The following ENPEP variants were observed in gnomAD, a reference collection of about 807,000 sequenced individuals.
ENPEP encodes the protein AP-A.
In ENPEP, 103 loss-of-function variants were observed where a neutral mutation model predicts 114.5. That is an observed-to-expected ratio of 0.90 (90% confidence interval 0.77 to 1.06). ENPEP has a LOEUF of 1.06. Ranked by LOEUF, ENPEP falls within the 50% of genes least tolerant of loss-of-function variation. The probability of loss-of-function intolerance (pLI) is 0.00; values close to 1 mark genes in which losing one functional copy is unlikely to be tolerated. For missense variants in ENPEP, 1,196 were observed against 1,161.3 expected (o/e 1.03, Z -0.43); for synonymous variants, 420 against 422.0 (o/e 1.00, Z 0.06).
Position 110,491,097 on chromosome 4 carries a change from C to T in ENPEP, c.851C>T (p.Thr284Met), listed in dbSNP as rs201316974. ...TTTGAGAAGTCTGTCCCCATGAGCA[C>T]GTACCTGGTGTGCTTTGCTGTACAT... ...TTFEKSVPMS[T>M]YLVCFAVHQF... is the part of the protein sequence containing the mutation. The change falls in exon 3 of 20, where the codon ACG becomes ATG. Residue 284 changes from threonine (T) to methionine (M), a missense_variant. Physicochemically the swap from Thr to Met is moderately conservative, Grantham distance 81 (BLOSUM62 -1). Coordinates refer to ENST00000265162, the MANE Select transcript of ENPEP (RefSeq NM_001977.4). The T allele has an allele frequency of 2.0e-5, 32 of 1,612,638 alleles. No homozygotes were observed. Among genetic ancestry groups the T allele is most frequent in the East Asian group, 1.8e-4 (8 of 44,864 alleles).
Position 110,549,753 on chromosome 4 carries a change from G to A in ENPEP, c.2368G>A (p.Gly790Arg), listed in dbSNP as rs563213012. 6.2e-7 allele frequency: 1 copy of A among 1,613,338 alleles called. No homozygotes were observed. Among genetic ancestry groups the A allele is most frequent in the South Asian group, 1.1e-5 (1 of 91,052 alleles). ...TCTCAGGCTTCTGGTGTATCGGTAT[G>A]GGATGCAGAACTCTGGCAATGAGAT... ...VNLRLLVYRY[G>R]MQNSGNEISW... Residue 790 changes from glycine (G) to arginine (R), a missense_variant, in exon 17 of 20, where the codon GGG (glycine) becomes AGG (arginine). Gly to Arg is a moderately radical substitution (Grantham distance 125, BLOSUM62 -2). Coordinates refer to ENST00000265162, the MANE Select transcript of ENPEP (RefSeq NM_001977.4).
chr4:110,553,651 T>C (rs1443558324), intron 18 of ENPEP, 196 bp downstream of exon 18: 1 of 435,702 alleles, frequency 2.3e-6, no homozygotes, highest in Non-Finnish European at 3.9e-6. Flanking sequence ...TTTCTGGAAA[T>C]TATTGTTTCA....
chr4:110,520,322 G>A lies in ENPEP; in HGVS notation c.1683G>A (p.Leu561=). ...AGAACATCACACAGAAACGCTTTTT[G>A]TTGGACCCAAGAGCTAACCCTTCTC... ...GVKNITQKRF[L]LDPRANPSQP... The change falls in exon 10 of 20, where the codon TTG becomes TTA. Residue 561 remains leucine, a synonymous_variant. Transcript: ENST00000265162. 1.2e-6 allele frequency: 2 copies of A among 1,614,044 alleles called. No homozygotes were observed. The highest frequency in any genetic ancestry group is 1.1e-5 in the South Asian group (1 of 91,082).
At position 110,476,252 on chromosome 4, in the gene ENPEP, A is replaced by T; in HGVS notation, c.-163A>T. 1.3e-6 allele frequency: 1 copy of T among 785,060 alleles called. No homozygotes were observed. Among genetic ancestry groups the T allele is most frequent in the Non-Finnish European group, 1.9e-6 (1 of 524,336 alleles). 48.6% of individuals were successfully genotyped at this position (785,060 alleles called of 1,614,324 possible). A position where few individuals can be genotyped will look rare whatever the true frequency, so the allele number is the denominator to read the frequency against. ...CTGAGTGGCTGGTGGGAACGTGAAAAGGGAGAGGAAAAGGCGCAAGAAGCC... is the reference window on the plus strand; with the variant it reads ...CTGAGTGGCTGGTGGGAACGTGAAATGGGAGAGGAAAAGGCGCAAGAAGCC... On this transcript the variant is annotated 5_prime_UTR_variant, in exon 1 of 20. It adds an upstream start codon to the 5' untranslated region. Coordinates refer to ENST00000265162, the MANE Select transcript of ENPEP (RefSeq NM_001977.4).
rs377535117 is a variant in ENPEP, at chr4:110,541,629, G to A, written c.1808-1122G>A. Among the ~76,000 whole-genome samples the A allele has an allele frequency of 3.3e-5, 5 of 152,050 alleles. No homozygotes were observed. The East Asian group carries it at 5.8e-4, about 18-fold the overall frequency. ...CTTTCCAGAAAATAGACTTGAGCATGCTATTTTTCTGCTTAAAACTCTTTT... is the reference window on the plus strand; with the variant it reads ...CTTTCCAGAAAATAGACTTGAGCATACTATTTTTCTGCTTAAAACTCTTTT... On this transcript the variant is annotated intron_variant, in intron 11 of 19. Coordinates refer to ENST00000265162, the MANE Select transcript of ENPEP (RefSeq NM_001977.4).
intron 13 of ENPEP, among the ~76,000 whole-genome samples, chr4:110,544,585 A>G (rs1726980948): frequency 6.6e-6 from 1 of 152,168 alleles, no homozygotes; most frequent in Admixed American, 6.6e-5. Context: ...GGGAAATTAA[A>G]TGATGAAATA....
intron 4 of ENPEP, among the ~76,000 whole-genome samples, chr4:110,508,969 G>C (rs1725475358): frequency 6.6e-6 from 1 of 152,184 alleles, no homozygotes; most frequent in Non-Finnish European, 1.5e-5. Flanking sequence ...TGGGGAAGCT[G>C]TATTTTGGCC....
chr4:110,507,073 C>A (rs993776634), intron 4 of ENPEP, among the ~76,000 whole-genome samples: 1 of 152,156 alleles, frequency 6.6e-6, no homozygotes, highest in Admixed American at 6.6e-5. Context: ...CAAATAGCAA[C>A]GTAGATCAGT....
At chr4:110,521,221 G>A (rs1016309944) in intron 10 of ENPEP, among the ~76,000 whole-genome samples, 2 of 151,972 alleles carry the variant, frequency 1.3e-5, no homozygotes, top group African/African-American at 2.4e-5. Context: ...TTTTAAAAAG[G>A]CACTGGAGTA....
chr4:110,511,388 A>G (rs1725568688), intron 6 of ENPEP, among the ~76,000 whole-genome samples: 1 of 152,088 alleles, frequency 6.6e-6, no homozygotes, highest in Non-Finnish European at 1.5e-5. Context: ...AATGCCAGTA[A>G]CCTGCCAGCC....
chr4:110,514,109 T>C (rs1160014224), intron 7 of ENPEP, among the ~76,000 whole-genome samples: 1 of 152,154 alleles, frequency 6.6e-6, no homozygotes, highest in African/African-American at 2.4e-5. Flanking sequence ...TGTGACACAT[T>C]CTGTCCCACA....
intron 8 of ENPEP, among the ~76,000 whole-genome samples, chr4:110,516,321 C>T (rs1725766916): frequency 6.6e-6 from 1 of 152,248 alleles, no homozygotes; most frequent in Non-Finnish European, 1.5e-5. Flanking sequence ...TTCTAACAGA[C>T]CCTAAGCCAA....
At chr4:110,543,247 A>G (rs1468256037) in intron 13 of ENPEP, among the ~76,000 whole-genome samples, 177 bp downstream of exon 13, 1 of 152,148 alleles carries the variant, frequency 6.6e-6, no homozygotes, top group Admixed American at 6.6e-5. Flanking sequence ...TGAGCCTAAT[A>G]GTCAAAATAC....
Position 110,507,792 on chromosome 4 carries a change from T to C in ENPEP, c.1039+1035T>C, listed in dbSNP as rs1022053005. 6.6e-5 allele frequency among the ~76,000 whole-genome samples: 10 copies of C among 152,088 alleles called. No homozygotes were observed. The South Asian group carries it at 1.7e-3, about 25-fold the overall frequency. ...GAGGTTCAAGACCAGCCTGGCAACA[T>C]GGTGAAACCCCATCGCTACAAGAAA... On this transcript the variant is annotated intron_variant, in intron 4 of 19. Coordinates refer to ENST00000265162, the MANE Select transcript of ENPEP (RefSeq NM_001977.4).
At chr4:110,513,345 T>C in intron 6 of ENPEP, 70 bp from the exon 7 acceptor site, 1 of 1,492,846 alleles carries the variant, frequency 6.7e-7, no homozygotes, top group Non-Finnish European at 9.0e-7. Flanking sequence ...TTTTCTTATA[T>C]ATGGTATTTT....
Position 110,476,348 on chromosome 4 carries a change from G to C in ENPEP, c.-67G>C. 2.7e-6 allele frequency: 4 copies of C among 1,482,192 alleles called. No homozygotes were observed. Among genetic ancestry groups the C allele is most frequent in the Non-Finnish European group, 3.6e-6 (4 of 1,112,582 alleles). 91.8% of individuals were successfully genotyped at this position (1,482,192 alleles called of 1,614,324 possible). ...GGATTCCTTCCAATTTAAAAAGGAA[G>C]TCTGCTGACGTTAGTTAGTTAAATT... is the stretch of plus-strand genomic sequence containing the variant. On this transcript the variant is annotated 5_prime_UTR_variant, in exon 1 of 20. Coordinates refer to ENST00000265162, the MANE Select transcript of ENPEP (RefSeq NM_001977.4).
Position 110,509,638 on chromosome 4 carries a change from T to A in ENPEP, c.1040-15T>A. ...AAAGAATGTATTTCTCACTGGACTC[T>A]TTCTTCTTCTATAGATAAAATCGCT... On this transcript the variant is annotated splice_polypyrimidine_tract_variant and intron_variant, in intron 4 of 19. Transcript: ENST00000265162. 6.2e-7 allele frequency: 1 copy of A among 1,607,142 alleles called. No homozygotes were observed. Among genetic ancestry groups the A allele is most frequent in the African/African-American group, 1.3e-5 (1 of 74,714 alleles).
chr4:110,501,432 C>T (rs1483319984), intron 3 of ENPEP, among the ~76,000 whole-genome samples: 1 of 152,130 alleles, frequency 6.6e-6, no homozygotes, highest in Admixed American at 6.5e-5. Flanking sequence ...TCTCACCCTC[C>T]TCCCTCTCTA....
intron 11 of ENPEP, among the ~76,000 whole-genome samples, chr4:110,533,641 T>C (rs960892303): frequency 6.6e-6 from 1 of 152,078 alleles, no homozygotes; most frequent in Non-Finnish European, 1.5e-5. Flanking sequence ...AAATGGGTGA[T>C]AAAAATTGAA....
Sources: allele counts gnomAD v4.1 joint callset (sites outside exome capture counted in the v4.1 genomes callset), GRCh38; gene constraint gnomAD v4.1.1; transcripts MANE v1.5; gene names NCBI Gene and HGNC (gene_info 2026-07-23, HGNC 2026-07-21).